The following ITGA9 variants were observed in gnomAD, a reference collection of about 807,000 sequenced individuals.
ITGA9 encodes the protein integrin subunit alpha 9, also known as integrin alpha-9.
A neutral mutation model predicts 127.8 loss-of-function variants in ITGA9; 56 were observed. That is an observed-to-expected ratio of 0.44 (90% CI 0.35 to 0.55). The LOEUF (loss-of-function observed/expected upper bound fraction) is 0.55, where lower values mean the gene tolerates loss of function less well. Ranked by LOEUF, ITGA9 falls within the 20% of genes least tolerant of loss-of-function variation. The pLI is 0.00. For missense variants in ITGA9, 1,196 were observed against 1,347.1 expected (o/e 0.89, Z 1.76); for synonymous variants, 508 against 514.5 (o/e 0.99, Z 0.17).
intron 1 of ITGA9, among the ~76,000 whole-genome samples, chr3:37,460,025 G>A (rs1698299872): frequency 6.6e-6 from 1 of 152,172 alleles, no homozygotes; most frequent in Non-Finnish European, 1.5e-5. Context: ...CTAGCATTAA[G>A]ACAGAAGTGT....
At chr3:37,570,810 A>T (rs1699592627) in intron 15 of ITGA9, among the ~76,000 whole-genome samples, 1 of 152,258 alleles carries the variant, frequency 6.6e-6, no homozygotes, top group Non-Finnish European at 1.5e-5. Context: ...GCTGGATGAG[A>T]ATCCAAGTTA....
intron 16 of ITGA9, among the ~76,000 whole-genome samples, chr3:37,634,963 C>T (rs182609897): frequency 9.2e-5 from 14 of 152,072 alleles, no homozygotes; most frequent in East Asian, 7.7e-4. Context: ...TTCACAAATA[C>T]GTGGAAATTA....
At chr3:37,557,747 A>T (rs1337319114) in intron 15 of ITGA9, among the ~76,000 whole-genome samples, 2 of 152,242 alleles carry the variant, frequency 1.3e-5, no homozygotes, top group Non-Finnish European at 2.9e-5. Context: ...AAAGAATACA[A>T]TTACATATGT....
At chr3:37,565,435 A>G (rs981235438) in intron 15 of ITGA9, among the ~76,000 whole-genome samples, 3 of 152,200 alleles carry the variant, frequency 2.0e-5, no homozygotes, top group Admixed American at 6.5e-5. Flanking sequence ...ACGGAGGTCA[A>G]AGATACAGAA....
rs145514439 is a variant in ITGA9, at chr3:37,455,838, G to C, written c.185+3279G>C. The stretch of plus-strand genomic sequence containing the variant: ...AGAGCACAGACCCCAAAGTCAGCAC[G>C]GACTCTGCAGGCGGCAGAGTAGAGC... On this transcript the variant is annotated intron_variant, in intron 1 of 27. Coordinates refer to ENST00000264741, the MANE Select transcript of ITGA9 (RefSeq NM_002207.3). Among the ~76,000 whole-genome samples the C allele has an allele frequency of 2.8e-3, 434 of 152,304 alleles. 5 individuals carry two copies. The highest frequency in any genetic ancestry group is 3.9e-3 in the East Asian group (20 of 5,186).
intron 4 of ITGA9, among the ~76,000 whole-genome samples, chr3:37,482,953 A>ATCG (rs2125559477): frequency 6.6e-6 from 1 of 152,248 alleles, no homozygotes; most frequent in African/African-American, 2.4e-5. Flanking sequence ...GAGTGGAGGG[A>ATCG]TCGTTGGTTT....
At chr3:37,604,977 G>A (rs1414741604) in intron 15 of ITGA9, among the ~76,000 whole-genome samples, 2 of 152,190 alleles carry the variant, frequency 1.3e-5, no homozygotes, top group African/African-American at 4.8e-5. Context: ...CAATGAAATA[G>A]ACATGAGTAC....
intron 14 of ITGA9, among the ~76,000 whole-genome samples, chr3:37,540,407 TC>T (rs1275883172): frequency 7.9e-5 from 12 of 152,232 alleles, no homozygotes; most frequent in Admixed American, 3.3e-4. Context: ...GGGCAGTTGT[TC>T]AGGGAAGTTG....
chr3:37,722,769 G>T lies in ITGA9; in HGVS notation c.2068-9943G>T, dbSNP rs143356913. The stretch of plus-strand genomic sequence containing the variant: ...GTTTTTGGCTATTACAAATTATGCT[G>T]CTATCAATATTTGTGTACACATTTT... On this transcript the variant is annotated intron_variant, in intron 18 of 27. Transcript: ENST00000264741. Among the ~76,000 whole-genome samples the T allele has an allele frequency of 2.1e-3, 315 of 152,250 alleles. 1 individual carries two copies. Among genetic ancestry groups the T allele is most frequent in the Non-Finnish European group, 3.0e-3 (206 of 68,016 alleles).
chr3:37,714,721 A>G (rs1701116214), intron 18 of ITGA9, among the ~76,000 whole-genome samples: 1 of 152,302 alleles, frequency 6.6e-6, no homozygotes. Flanking sequence ...CCCCAGACCT[A>G]TTGAGTCAAA....
chr3:37,565,593 G>A (rs1361739021), intron 15 of ITGA9, among the ~76,000 whole-genome samples: 1 of 152,232 alleles, frequency 6.6e-6, no homozygotes, highest in Non-Finnish European at 1.5e-5. Context: ...TGCGGAAGAT[G>A]AAAGGTTCTG....
chr3:37,455,881 C>A (rs1322414919), intron 1 of ITGA9, among the ~76,000 whole-genome samples: 1 of 152,164 alleles, frequency 6.6e-6, no homozygotes, highest in Admixed American at 6.5e-5. Context: ...TGTTGAGGGA[C>A]CTGCGGGTGT....
intron 18 of ITGA9, among the ~76,000 whole-genome samples, chr3:37,693,485 T>C (rs554179966): frequency 6.6e-6 from 1 of 152,314 alleles, no homozygotes; most frequent in Non-Finnish European, 1.5e-5. Context: ...AGATTATATC[T>C]ACCTTTACCA....
chr3:37,576,071 G>T (rs913612534), intron 15 of ITGA9, among the ~76,000 whole-genome samples: 1 of 152,244 alleles, frequency 6.6e-6, no homozygotes, highest in African/African-American at 2.4e-5. Flanking sequence ...CCTGGAGCCA[G>T]TGGAGCTTCA....
At chr3:37,608,194 T>A (rs1699986267) in intron 15 of ITGA9, among the ~76,000 whole-genome samples, 1 of 152,244 alleles carries the variant, frequency 6.6e-6, no homozygotes, top group African/African-American at 2.4e-5. Context: ...GTGGTCACAT[T>A]TACCTTGGTT....
chr3:37,608,228 A>AC (rs1161084195), intron 15 of ITGA9, among the ~76,000 whole-genome samples: 1 of 152,156 alleles, frequency 6.6e-6, no homozygotes, highest in African/African-American at 2.4e-5. Context: ...ACTTATAAAA[A>AC]CCTCAAACAT....
At chr3:37,505,810 T>C (rs1431507345) in intron 6 of ITGA9, among the ~76,000 whole-genome samples, 190 bp from the exon 7 acceptor site, 1 of 152,236 alleles carries the variant, frequency 6.6e-6, no homozygotes, top group Non-Finnish European at 1.5e-5. Context: ...CTGATATCCT[T>C]GTGAACATGA....
At chr3:37,602,573 T>G (rs932470060) in intron 15 of ITGA9, among the ~76,000 whole-genome samples, 14 of 152,230 alleles carry the variant, frequency 9.2e-5, no homozygotes, top group Admixed American at 4.6e-4. Context: ...TTATTTTTAT[T>G]AAATCAGATA....
At chr3:37,494,640 A>G (rs1698708309) in intron 5 of ITGA9, 72 bp downstream of exon 5, 1 of 1,317,720 alleles carries the variant, frequency 7.6e-7, no homozygotes, top group Non-Finnish European at 1.1e-6. Flanking sequence ...GATTTTGGCA[A>G]CCCTTAGAGG....
Sources: allele counts gnomAD v4.1 joint callset (sites outside exome capture counted in the v4.1 genomes callset), GRCh38; gene constraint gnomAD v4.1.1; transcripts MANE v1.5; gene names NCBI Gene and HGNC (gene_info 2026-07-23, HGNC 2026-07-21).